The following GALNT17 variants were observed in gnomAD, a reference collection of about 807,000 sequenced individuals.
GALNT17 encodes the protein polypeptide N-acetylgalactosaminyltransferase 17.
Under a neutral mutation model 63.7 loss-of-function variants are expected in GALNT17, and 29 were observed. The ratio of observed to expected loss-of-function variants is 0.46; its 90% CI spans 0.34 to 0.62. GALNT17 has a LOEUF of 0.62. Ranked by LOEUF, GALNT17 falls within the 20% of genes least tolerant of loss-of-function variation. GALNT17 has a pLI of 0.01. For missense variants in GALNT17, 603 were observed against 799.6 expected (o/e 0.75, Z 2.97); for synonymous variants, 305 against 318.3 (o/e 0.96, Z 0.45).
chr7:71,640,845 CA>C (rs35666782), intron 6 of GALNT17, among the ~76,000 whole-genome samples: 14,055 of 141,442 alleles, frequency 0.099, 927 homozygotes, highest in African/African-American at 0.21. Context: ...GACCCCATCT[CA>C]AAAAAAAAAA....
intron 1 of GALNT17, among the ~76,000 whole-genome samples, chr7:71,212,152 G>C (rs2116394679): frequency 1.3e-5 from 2 of 152,316 alleles, no homozygotes; most frequent in Non-Finnish European, 2.9e-5. Context: ...GCCTGGCCCA[G>C]GGTCCCTGTG....
chr7:71,705,473 A>G (rs1791709840), intron 9 of GALNT17, among the ~76,000 whole-genome samples: 1 of 152,194 alleles, frequency 6.6e-6, no homozygotes, highest in South Asian at 2.1e-4. Context: ...AGAAAGTTAA[A>G]CATAGAGTTA....
At position 71,452,664 on chromosome 7, in the gene GALNT17, A is replaced by C. The variant is rs1438781210; in HGVS notation, c.962+31559A>C. 3.3e-5 allele frequency among the ~76,000 whole-genome samples: 5 copies of C among 152,344 alleles called. No individual in the cohort carries two copies. In the South Asian group the frequency reaches 1.0e-3, roughly 32 times the overall value. On this transcript the variant is annotated intron_variant, in intron 5 of 10. Coordinates refer to ENST00000333538, the MANE Select transcript of GALNT17 (RefSeq NM_022479.3). ...GAAAAGTTGGTATGCATTTAAAAAA[A>C]TCATTTGTATTTGCTTCCTTGGTTT...
intron 6 of GALNT17, among the ~76,000 whole-genome samples, chr7:71,600,942 T>C (rs891322225): frequency 1.3e-5 from 2 of 152,028 alleles, no homozygotes; most frequent in Non-Finnish European, 2.9e-5. Context: ...GTCCCCAAAG[T>C]CCATTGTATC....
chr7:71,387,038 G>A (rs902212766), intron 2 of GALNT17, among the ~76,000 whole-genome samples: 1 of 151,874 alleles, frequency 6.6e-6, no homozygotes, highest in Admixed American at 6.6e-5. Flanking sequence ...GCATCACTAG[G>A]GGAGTGGCGA....
intron 9 of GALNT17, among the ~76,000 whole-genome samples, chr7:71,694,550 C>T (rs1158433481): frequency 6.6e-6 from 1 of 152,016 alleles, no homozygotes; most frequent in East Asian, 1.9e-4. Flanking sequence ...TGTGCACCAC[C>T]ACGTTCAGTT....
intron 9 of GALNT17, among the ~76,000 whole-genome samples, chr7:71,705,942 G>A (rs1210243906): frequency 2.6e-5 from 4 of 152,166 alleles, no homozygotes; most frequent in Non-Finnish European, 5.9e-5. Flanking sequence ...TGAGGGATGA[G>A]GAGTCATGGT....
rs565579318 is a variant in GALNT17 at position 71,254,111 on chromosome 7, A to G, written c.239-81439A>G. 2.0e-5 allele frequency among the ~76,000 whole-genome samples: 3 copies of G among 152,324 alleles called. No individual in the cohort carries two copies. In the East Asian group the frequency reaches 5.8e-4, roughly 29 times the overall value. On this transcript the variant is annotated intron_variant, in intron 1 of 10. Transcript: ENST00000333538. ...CTGTCCTGAAAGGCAGGACCACTCA[A>G]AGCTGAGGAGAGCTTCCAGGTCATA... is the stretch of plus-strand genomic sequence containing the variant.
intron 5 of GALNT17, among the ~76,000 whole-genome samples, chr7:71,436,509 A>G (rs546505860): frequency 2.6e-4 from 39 of 152,130 alleles, no homozygotes; most frequent in African/African-American, 7.7e-4. Flanking sequence ...CACGAGGTCA[A>G]GAGATTGAGA....
At chr7:71,265,286 C>T (rs1790474142) in intron 1 of GALNT17, among the ~76,000 whole-genome samples, 1 of 150,572 alleles carries the variant, frequency 6.6e-6, no homozygotes, top group Admixed American at 6.6e-5. Context: ...GCCACCACAC[C>T]CAGCTAATTT....
chr7:71,492,141 T>C, intron 5 of GALNT17, among the ~76,000 whole-genome samples: 1 of 151,966 alleles, frequency 6.6e-6, no homozygotes. Context: ...TAGTCGGGCG[T>C]GGTGGCACAT....
At chr7:71,379,014 AAAG>A (rs1393486961) in intron 2 of GALNT17, among the ~76,000 whole-genome samples, 1 of 151,940 alleles carries the variant, frequency 6.6e-6, no homozygotes, top group African/African-American at 2.4e-5. Flanking sequence ...AAAAAGAAAA[AAAG>A]AAGATGCTGT....
At chr7:71,453,747 C>T (rs373924202) in intron 5 of GALNT17, among the ~76,000 whole-genome samples, 6 of 152,342 alleles carry the variant, frequency 3.9e-5, no homozygotes, top group African/African-American at 1.4e-4. Context: ...AATTAAGCCA[C>T]ATGTTCAGGA....
intron 5 of GALNT17, among the ~76,000 whole-genome samples, chr7:71,487,892 G>A (rs1787939351): frequency 1.3e-5 from 2 of 152,078 alleles, no homozygotes; most frequent in African/African-American, 4.8e-5. Context: ...TTGGAGCCGG[G>A]CATGGTAGCT....
At chr7:71,422,495 A>G (rs754274594) in intron 5 of GALNT17, among the ~76,000 whole-genome samples, 7 of 152,204 alleles carry the variant, frequency 4.6e-5, no homozygotes, top group African/African-American at 1.2e-4. Context: ...GAAAAAGTGA[A>G]ATGGGAGTGT....
chr7:71,693,193 TA>T (rs1370665706), intron 9 of GALNT17, among the ~76,000 whole-genome samples: 1 of 126,886 alleles, frequency 7.9e-6, no homozygotes, highest in African/African-American at 2.7e-5. Context: ...AGTGTGTGTG[TA>T]TATAGTGTGT....
At chr7:71,678,649 G>A (rs1326878633) in intron 9 of GALNT17, among the ~76,000 whole-genome samples, 1 of 151,896 alleles carries the variant, frequency 6.6e-6, no homozygotes, top group African/African-American at 2.4e-5. Flanking sequence ...CAAAAAATTA[G>A]CTGGGCGTGG....
At chr7:71,641,344 C>T (rs11982829) in intron 6 of GALNT17, among the ~76,000 whole-genome samples, 8,919 of 152,074 alleles carry the variant, frequency 0.059, 856 homozygotes, top group African/African-American at 0.2. Flanking sequence ...ATCTGTAACT[C>T]GGGAATTATA....
chr7:71,601,628 A>C (rs572067866), intron 6 of GALNT17, among the ~76,000 whole-genome samples: 1 of 151,964 alleles, frequency 6.6e-6, no homozygotes. Context: ...AAAAATATGT[A>C]TATATAATTA....
Sources: gnomAD v4.1 joint callset for allele counts (sites outside exome capture counted in the v4.1 genomes callset) on GRCh38, gnomAD v4.1.1 for gene constraint, MANE v1.5 for transcripts, NCBI Gene and HGNC (gene_info 2026-07-23, HGNC 2026-07-21) for gene names.